HDAC4: variants seen among roughly 807,000 people sequenced by gnomAD.
The protein encoded by HDAC4 is histone deacetylase 4, also known as histone deacetylase A.
Under a neutral mutation model 135.1 loss-of-function variants are expected in HDAC4, and 16 were observed. The observed-to-expected ratio is 0.12, with a 90% CI of 0.08 to 0.18. HDAC4 has a LOEUF of 0.18. Among genes scored for constraint, HDAC4 ranks in the 10% least tolerant of loss-of-function variants. The probability of loss-of-function intolerance (pLI) is 1.00; values close to 1 mark genes in which losing one functional copy is unlikely to be tolerated. For missense variants in HDAC4, 1,143 were observed against 1,511.8 expected (o/e 0.76, Z 4.05); for synonymous variants, 685 against 653.4 (o/e 1.05, Z -0.74).
chr2:239,235,682 TACAG>T (rs2153177511), intron 3 of HDAC4, among the ~76,000 whole-genome samples: 1 of 152,198 alleles, frequency 6.6e-6, no homozygotes, highest in East Asian at 1.9e-4. Flanking sequence ...AAACGGGTTT[TACAG>T]ACAAAGAAAA....
chr2:239,137,199 G>A (rs934889346), intron 9 of HDAC4, among the ~76,000 whole-genome samples: 3 of 152,228 alleles, frequency 2.0e-5, no homozygotes, highest in Non-Finnish European at 2.9e-5. Flanking sequence ...ATCGCAGGGC[G>A]TTCTGGCATC....
intron 3 of HDAC4, among the ~76,000 whole-genome samples, chr2:239,224,379 G>C (rs112168143): frequency 2.0e-5 from 3 of 152,162 alleles, no homozygotes; most frequent in African/African-American, 7.2e-5. Flanking sequence ...TACGTCACGT[G>C]GTGTCGCTTC....
At chr2:239,347,139 C>G (rs73104762) in intron 2 of HDAC4, among the ~76,000 whole-genome samples, 10,215 of 119,878 alleles carry the variant, frequency 0.085, 1,132 homozygotes, top group African/African-American at 0.25. Flanking sequence ...CTGAGACATT[C>G]AACCACTGCA....
Position 239,306,913 on chromosome 2 carries a change from AG to A in HDAC4, c.22+45764del, listed in dbSNP as rs1306689245. Among the ~76,000 whole-genome samples, 2 of 151,700 alleles carry A rather than the reference AG, an allele frequency of 1.3e-5. No individual in the cohort carries two copies. The highest frequency in any genetic ancestry group is 2.9e-5 in the Non-Finnish European group (2 of 67,902). On this transcript the variant is annotated intron_variant, in intron 2 of 26. Transcript: ENST00000543185. The surrounding 1 kb of genome is among the most constrained non-coding windows in gnomAD (Gnocchi z 4.5). ...TTCAGGAATGTCCAAGGAGGGCCTG[AG>A]CCTCCCGTGTGCACCTCCCCAAGGG... is the stretch of plus-strand genomic sequence containing the variant.
Position 239,049,733 on chromosome 2 carries a change from C to G in HDAC4, c.*3364G>C, listed in dbSNP as rs1471213900. 1 of 152,272 alleles carries G rather than the reference C, an allele frequency of 6.6e-6. No homozygotes were observed. The highest frequency in any genetic ancestry group is 1.5e-5 in the Non-Finnish European group (1 of 68,042). The allele number at this position is 152,272 out of a possible 1,614,324, so 9.4% of individuals were successfully genotyped here. On this transcript the variant is annotated 3_prime_UTR_variant, in exon 27 of 27. Transcript: ENST00000543185. ...AAACTGAAACACCTTGACAAAGTGGCCCTCCAGAACCAGAGCCCTGGGACG... is the reference window on the plus strand; with the variant it reads ...AAACTGAAACACCTTGACAAAGTGGGCCTCCAGAACCAGAGCCCTGGGACG...
chr2:239,119,675 A>G (rs923091211), intron 12 of HDAC4, among the ~76,000 whole-genome samples: 2 of 151,976 alleles, frequency 1.3e-5, no homozygotes, highest in Non-Finnish European at 2.9e-5. Context: ...GGACACGGAG[A>G]TGGGAGCTCA....
chr2:239,226,256 C>T (rs886112157), intron 3 of HDAC4, among the ~76,000 whole-genome samples: 2 of 152,116 alleles, frequency 1.3e-5, no homozygotes, highest in South Asian at 4.2e-4. Context: ...AGTGACACTC[C>T]GAATACACAA....
chr2:239,324,557 C>A (rs2053414192), intron 2 of HDAC4, among the ~76,000 whole-genome samples: 1 of 152,248 alleles, frequency 6.6e-6, no homozygotes. Flanking sequence ...CGCTTCAGTG[C>A]AGCAGCCAGC....
At chr2:239,372,994 C>T (rs557502132) in intron 1 of HDAC4, among the ~76,000 whole-genome samples, 8 of 152,310 alleles carry the variant, frequency 5.3e-5, no homozygotes, top group African/African-American at 1.9e-4. Flanking sequence ...AGCATTCTCC[C>T]ACTCATGGGC....
chr2:239,344,714 T>G (rs1692503298), intron 2 of HDAC4, among the ~76,000 whole-genome samples: 1 of 152,180 alleles, frequency 6.6e-6, no homozygotes, highest in South Asian at 2.1e-4. Context: ...GGCGGTGCTG[T>G]GCGTCAGAAA....
chr2:239,246,079 G>T (rs912747796), intron 2 of HDAC4, among the ~76,000 whole-genome samples: 3 of 152,182 alleles, frequency 2.0e-5, no homozygotes, highest in African/African-American at 7.2e-5. Flanking sequence ...ACTGCAGGGG[G>T]GTGTCCAGCT....
chr2:239,265,459 C>T (rs1247676097), intron 2 of HDAC4, among the ~76,000 whole-genome samples: 2 of 152,256 alleles, frequency 1.3e-5, no homozygotes, highest in African/African-American at 4.8e-5. Context: ...AAAAACCCCA[C>T]TGTTAGTGGC....
intron 12 of HDAC4, among the ~76,000 whole-genome samples, chr2:239,120,385 A>ACACACAGACGCG (rs1553622831): frequency 6.6e-6 from 1 of 151,040 alleles, no homozygotes; most frequent in Non-Finnish European, 1.5e-5. Context: ...CCGCAGAGGC[A>ACACACAGACGCG]CACACAGACG....
chr2:239,205,195 G>A (rs2045971537), intron 3 of HDAC4, among the ~76,000 whole-genome samples: 1 of 152,190 alleles, frequency 6.6e-6, no homozygotes, highest in Non-Finnish European at 1.5e-5. Flanking sequence ...CTCTGGAGAG[G>A]CAATATTTGA....
chr2:239,076,992 T>A (rs28416721), intron 22 of HDAC4, among the ~76,000 whole-genome samples: 6,469 of 152,092 alleles, frequency 0.043, 481 homozygotes, highest in African/African-American at 0.15. Context: ...TTCAACCTCT[T>A]TGAGATGGCC....
At chr2:239,078,007 T>C (rs541195445) in intron 22 of HDAC4, among the ~76,000 whole-genome samples, 2 of 152,204 alleles carry the variant, frequency 1.3e-5, no homozygotes, top group South Asian at 4.1e-4. Context: ...AACTTCGTAA[T>C]ATCACAGTGG....
At chr2:239,373,022 C>T (rs1012915950) in intron 1 of HDAC4, among the ~76,000 whole-genome samples, 1 of 152,132 alleles carries the variant, frequency 6.6e-6, no homozygotes, top group African/African-American at 2.4e-5. Context: ...TTCCTCCAAG[C>T]GTTTGACTCT....
chr2:239,220,802 G>A (rs2046905671), intron 3 of HDAC4, among the ~76,000 whole-genome samples: 1 of 152,086 alleles, frequency 6.6e-6, no homozygotes, highest in Non-Finnish European at 1.5e-5. Flanking sequence ...TTTTATTAAA[G>A]GTTTCTCACA....
At chr2:239,363,834 G>A (rs1172582897) in intron 1 of HDAC4, among the ~76,000 whole-genome samples, 1 of 152,118 alleles carries the variant, frequency 6.6e-6, no homozygotes, top group Non-Finnish European at 1.5e-5. Context: ...AGCAAGGGAC[G>A]GATATTCAAA....
Sources: gnomAD v4.1 joint callset for allele counts (sites outside exome capture counted in the v4.1 genomes callset) on GRCh38, gnomAD v4.1.1 for gene constraint, Gnocchi (gnomAD v3.1) non-coding constraint, MANE v1.5 for transcripts, NCBI Gene and HGNC (gene_info 2026-07-23, HGNC 2026-07-21) for gene names.